Variants in SYN3 observed in about 807,000 individuals in gnomAD.
SYN3 encodes synapsin III.
SYN3 carries 35 observed loss-of-function variants against 65.8 expected under a neutral mutation model. That is an observed-to-expected ratio of 0.53 (90% CI 0.41 to 0.70). SYN3 has a LOEUF of 0.70. Ranked by LOEUF, SYN3 falls within the 30% of genes least tolerant of loss-of-function variation. The pLI is 0.00. For synonymous variants in SYN3, 270 were observed against 292.9 expected (o/e 0.92, Z 0.80); for missense variants, 680 against 749.0 (o/e 0.91, Z 1.08).
At chr22:33,031,468 A>C (rs545432300) in intron 1 of SYN3, among the ~76,000 whole-genome samples, 86 of 151,038 alleles carry the variant, frequency 5.7e-4, no homozygotes, top group African/African-American at 2.1e-3. Context: ...CTGGGAGCCA[A>C]GCCACCGACA....
intron 6 of SYN3, among the ~76,000 whole-genome samples, chr22:32,619,989 T>C (rs1177288130): frequency 6.6e-6 from 1 of 152,226 alleles, no homozygotes; most frequent in Non-Finnish European, 1.5e-5. Flanking sequence ...AGATCAGAGC[T>C]ACCGACATGA....
At chr22:32,692,175 AAC>A (rs528078712) in intron 6 of SYN3, among the ~76,000 whole-genome samples, 17,841 of 102,650 alleles carry the variant, frequency 0.17, 3,693 homozygotes, top group East Asian at 0.66. Context: ...AAAAAAAAAA[AAC>A]AGGACGGTCT....
rs1259161254 is a variant in SYN3 at position 32,616,404 on chromosome 22, A to G, written c.712-19668T>C. Among the ~76,000 whole-genome samples, 3 of 152,278 alleles carry G rather than the reference A, an allele frequency of 2.0e-5. No homozygotes were observed. In the South Asian group the frequency reaches 6.2e-4, roughly 32 times the overall value. On this transcript the variant is annotated intron_variant, in intron 6 of 13. Transcript: ENST00000358763. ...TCTGGCTGAGGGGCCCCTTTGAGGG[A>G]GGAGTCATTGCTGACACCTGGTGAT...
At chr22:33,053,285 C>A (rs935637847) in intron 1 of SYN3, among the ~76,000 whole-genome samples, 1 of 152,008 alleles carries the variant, frequency 6.6e-6, no homozygotes, top group Non-Finnish European at 1.5e-5. Flanking sequence ...TAGCCGGGTG[C>A]GGTGGCGGGT....
intron 6 of SYN3, among the ~76,000 whole-genome samples, chr22:32,650,226 TCTCTCTCCCTCC>T (rs2060043413): frequency 8.7e-6 from 1 of 114,644 alleles, no homozygotes; most frequent in African/African-American, 4.5e-5. Context: ...TCTCTCTCTC[TCTCTCTCCCTCC>T]CTCCCTCCCT....
At chr22:32,987,954 T>C (rs1177120053) in intron 2 of SYN3, among the ~76,000 whole-genome samples, 2 of 152,072 alleles carry the variant, frequency 1.3e-5, no homozygotes, top group Non-Finnish European at 2.9e-5. Context: ...ACCAATGGAA[T>C]TGAGGATAAG....
At chr22:32,540,968 T>C (rs1048442042) in intron 8 of SYN3, among the ~76,000 whole-genome samples, 2 of 152,242 alleles carry the variant, frequency 1.3e-5, no homozygotes, top group South Asian at 4.1e-4. Context: ...TCTGAATGTT[T>C]CTGAAATTGA....
intron 6 of SYN3, among the ~76,000 whole-genome samples, chr22:32,788,478 T>G (rs1465249285): frequency 1.3e-5 from 2 of 151,988 alleles, no homozygotes; most frequent in South Asian, 2.1e-4. Context: ...AAGGCGGAGG[T>G]TGCAGTGAGC....
At chr22:32,683,840 C>T (rs2060555440) in intron 6 of SYN3, among the ~76,000 whole-genome samples, 1 of 152,172 alleles carries the variant, frequency 6.6e-6, no homozygotes, top group Non-Finnish European at 1.5e-5. Flanking sequence ...CATAACAATA[C>T]CCTTCTCTAC....
At chr22:32,784,579 G>A (rs548274238) in intron 6 of SYN3, among the ~76,000 whole-genome samples, 48 of 152,310 alleles carry the variant, frequency 3.2e-4, no homozygotes, top group African/African-American at 1.1e-3. Flanking sequence ...AGCCAGCTAA[G>A]CCATGTCCAG....
At chr22:32,525,120 T>G (rs890950847) in intron 12 of SYN3, among the ~76,000 whole-genome samples, 17 of 152,376 alleles carry the variant, frequency 1.1e-4, no homozygotes, top group Admixed American at 1.1e-3. Context: ...TTTACCTTTC[T>G]AGATGCCATT....
At chr22:32,912,186 C>T (rs551520165) in intron 4 of SYN3, among the ~76,000 whole-genome samples, 8 of 152,238 alleles carry the variant, frequency 5.3e-5, no homozygotes, top group African/African-American at 1.4e-4. Context: ...GATAGTTGCC[C>T]GCAGAGCTTT....
In SYN3 at chr22:32,734,513, G is replaced by GCAGACAGACAGACAGACAGA. The variant is rs6147593; in HGVS notation, c.711+130382_711+130401dup. ...GGAGGAGCAGAGAAGAGGCAGGCAG[G>GCAGACAGACAGACAGACAGA]CAGACAGACAGACAGACAGACATCG... On this transcript the variant is annotated intron_variant, in intron 6 of 13. Transcript: ENST00000358763. 2.0e-3 allele frequency among the ~76,000 whole-genome samples: 305 copies of GCAGACAGACAGACAGACAGA among 151,442 alleles called. 1 individual carries two copies. Among genetic ancestry groups the GCAGACAGACAGACAGACAGA allele is most frequent in the East Asian group, 7.1e-3 (36 of 5,100 alleles).
At chr22:32,774,596 C>CTT (rs11423621) in intron 6 of SYN3, among the ~76,000 whole-genome samples, 151 of 149,264 alleles carry the variant, frequency 1.0e-3, no homozygotes, top group Non-Finnish European at 1.7e-3. Flanking sequence ...AAGCATTGCA[C>CTT]TTTTTTTTTT....
At chr22:32,873,935 T>G (rs530030274) in intron 4 of SYN3, among the ~76,000 whole-genome samples, 13 of 151,656 alleles carry the variant, frequency 8.6e-5, no homozygotes, top group African/African-American at 2.7e-4. Context: ...AAGACCAGCC[T>G]GGCCAACGTG....
At chr22:32,970,267 C>T (rs1296356806) in intron 3 of SYN3, among the ~76,000 whole-genome samples, 1 of 152,088 alleles carries the variant, frequency 6.6e-6, no homozygotes, top group Non-Finnish European at 1.5e-5. Context: ...CAAGGTTACT[C>T]AGGAAGTGGT....
intron 7 of SYN3, among the ~76,000 whole-genome samples, chr22:32,552,528 C>T (rs1382518162): frequency 6.8e-6 from 1 of 147,600 alleles, no homozygotes; most frequent in Non-Finnish European, 1.5e-5. Context: ...AGGTTAAAAA[C>T]AAGCAGGACT....
chr22:32,963,537 C>A (rs887722787), intron 3 of SYN3, among the ~76,000 whole-genome samples: 4 of 152,030 alleles, frequency 2.6e-5, no homozygotes, highest in Non-Finnish European at 4.4e-5. Context: ...GATGACTGAA[C>A]AAATGGTCAG....
intron 6 of SYN3, chr22:32,860,728 C>G (rs1477533317): frequency 6.6e-6 from 1 of 152,120 alleles, no homozygotes; most frequent in Non-Finnish European, 1.5e-5. Context: ...GGAGGGAGAG[C>G]TGCAGAGTGT....
Sources: allele counts gnomAD v4.1 joint callset (sites outside exome capture counted in the v4.1 genomes callset), GRCh38; gene constraint gnomAD v4.1.1; transcripts MANE v1.5; gene names NCBI Gene and HGNC (gene_info 2026-07-23, HGNC 2026-07-21).